The following FBP1 variants were observed in gnomAD, a reference collection of about 807,000 sequenced individuals.
The protein encoded by FBP1 is fructose-1,6-bisphosphatase 1.
In FBP1, 22 loss-of-function variants were observed where a neutral mutation model predicts 29.9. The observed-to-expected ratio is 0.74, with a 90% CI of 0.53 to 1.05. The LOEUF (loss-of-function observed/expected upper bound fraction) is 1.05. Ranked by LOEUF, FBP1 falls within the 50% of genes least tolerant of loss-of-function variation. The probability of loss-of-function intolerance (pLI) is 0.00; values close to 1 mark genes in which losing one functional copy is unlikely to be tolerated. For synonymous variants in FBP1, 175 were observed against 178.6 expected, an observed-to-expected ratio of 0.98 and a Z score of 0.16; for missense variants, 345 against 448.2, an observed-to-expected ratio of 0.77 and a Z score of 2.08.
At position 94,609,987 on chromosome 9, in the gene FBP1, C is replaced by T. The variant is rs756466249; in HGVS notation, c.501G>A (p.Leu167=). The part of the protein sequence containing the change: ...GRNLVAAGYA[L]YGSATMLVLA... ...GGACCAGCATGGTGGCACTGCCATA[C>T]AGTGCGTAGCCGGCTGCCACCAGGT... The change falls in exon 4 of 7, where the codon CTG becomes CTA. Residue 167 remains leucine (L), a synonymous_variant. Transcript: ENST00000375326. The T allele has an allele frequency of 3.7e-6, 6 of 1,614,226 alleles. No individual in the cohort carries two copies. The South Asian group carries it at 4.4e-5, about 12-fold the overall frequency.
intron 1 of FBP1, among the ~76,000 whole-genome samples, chr9:94,630,679 T>C (rs1828092075): frequency 6.6e-6 from 1 of 152,208 alleles, no homozygotes; most frequent in Non-Finnish European, 1.5e-5. Flanking sequence ...GCAAGAAATA[T>C]TACCGTTTCC....
rs1353653214 is a variant in FBP1 at position 94,605,331 on chromosome 9, T to C, written c.825+126A>G. On this transcript the variant is annotated intron_variant, in intron 6 of 6. Coordinates refer to ENST00000375326, the MANE Select transcript of FBP1 (RefSeq NM_000507.4). ...ACCTTTAATCCACAAAAGAATATGC[T>C]ACAGACACACGTAGCAACCTAGCAT... 8.4e-6 allele frequency: 8 copies of C among 956,906 alleles called. No individual in the cohort carries two copies. In the East Asian group the frequency reaches 2.1e-4, roughly 25 times the overall value. The allele number at this position is 956,906 out of a possible 1,614,324, so 59.3% of individuals were successfully genotyped here.
intron 6 of FBP1, chr9:94,603,893 A>G (rs989459647): frequency 4.5e-5 from 17 of 378,488 alleles, no homozygotes; most frequent in Non-Finnish European, 7.6e-5. Context: ...TCTTTATACC[A>G]TGGAAACTGG....
chr9:94,606,850 C>T lies in FBP1; in HGVS notation c.670G>A (p.Val224Ile), dbSNP rs140222720. The T allele has an allele frequency of 5.5e-4, 883 of 1,613,964 alleles. 1 individual carries two copies. The highest frequency in any genetic ancestry group is 7.0e-4 in the Non-Finnish European group (829 of 1,179,872). ...EGYARDFDPA[V>I]TEYIQRKKFP... ...TTCTTCCTCTGGATGTACTCAGTGA[C>T]GGCAGGGTCAAAGTCCCTGGCGTAG... The change falls in exon 5 of 7, where the codon GTC (valine) becomes ATC (isoleucine). Residue 224 changes from valine (V) to isoleucine (I), a missense_variant. Val to Ile is a conservative substitution (Grantham distance 29). Transcript: ENST00000375326.
chr9:94,625,415 G>A (rs1433532084), intron 1 of FBP1, among the ~76,000 whole-genome samples: 4 of 152,126 alleles, frequency 2.6e-5, no homozygotes, highest in Non-Finnish European at 5.9e-5. Flanking sequence ...AGGGCGGCCC[G>A]CATCCACCAA....
intron 2 of FBP1, 90 bp downstream of exon 2, chr9:94,620,239 C>G: frequency 7.1e-7 from 1 of 1,405,574 alleles, no homozygotes; most frequent in Non-Finnish European, 1.0e-6. Flanking sequence ...CTCCCAGAAA[C>G]CCAGCTCAGC....
chr9:94,613,201 G>A (rs1200427810), intron 3 of FBP1, among the ~76,000 whole-genome samples: 1 of 152,130 alleles, frequency 6.6e-6, no homozygotes, highest in African/African-American at 2.4e-5. Context: ...GCAAGTTAGA[G>A]TATGTCCAGT....
At chr9:94,620,876 G>C (rs1054575580) in intron 1 of FBP1, among the ~76,000 whole-genome samples, 1 of 152,090 alleles carries the variant, frequency 6.6e-6, no homozygotes, top group African/African-American at 2.4e-5. Context: ...ACAAACCTAC[G>C]CATTCTGCAT....
intron 1 of FBP1, among the ~76,000 whole-genome samples, chr9:94,635,126 A>G (rs1379045472): frequency 6.7e-6 from 1 of 149,918 alleles, no homozygotes; most frequent in Non-Finnish European, 1.5e-5. Context: ...TAACTAATAG[A>G]TGAGATTTAG....
At chr9:94,629,265 C>A (rs1373698462) in intron 1 of FBP1, among the ~76,000 whole-genome samples, 1 of 152,180 alleles carries the variant, frequency 6.6e-6, no homozygotes, top group African/African-American at 2.4e-5. Flanking sequence ...CAGGCGTGAG[C>A]CACCACACCT....
chr9:94,610,878 T>TTTG (rs918267927), intron 3 of FBP1, among the ~76,000 whole-genome samples: 4 of 149,000 alleles, frequency 2.7e-5, no homozygotes, highest in African/African-American at 1.0e-4. Context: ...TTTTTTTTTT[T>TTTG]TTTGACACGG....
At chr9:94,616,655 A>G (rs1323137429) in intron 3 of FBP1, among the ~76,000 whole-genome samples, 4 of 151,928 alleles carry the variant, frequency 2.6e-5, no homozygotes, top group African/African-American at 9.7e-5. Context: ...GGCAGTCTCA[A>G]TCTCCTGACC....
chr9:94,635,258 G>A (rs1022227887), intron 1 of FBP1, among the ~76,000 whole-genome samples: 7 of 152,172 alleles, frequency 4.6e-5, no homozygotes, highest in Admixed American at 3.3e-4. Context: ...CATCTTCCTC[G>A]GTCTCAGGGT....
chr9:94,636,990 G>C (rs999107473), intron 1 of FBP1, among the ~76,000 whole-genome samples: 1 of 151,814 alleles, frequency 6.6e-6, no homozygotes, highest in Admixed American at 6.6e-5. Flanking sequence ...ACACCCAGTC[G>C]ACAAGCCCTC....
chr9:94,603,642 A>ATGTTTTGCT, intron 6 of FBP1, 70 bp from the exon 7 acceptor site: 1 of 1,380,826 alleles, frequency 7.2e-7, no homozygotes, highest in Non-Finnish European at 1.0e-6. Flanking sequence ...ACTTTTCTGC[A>ATGTTTTGCT]GCAAAACATG....
rs1383666587 is a variant in FBP1, at chr9:94,615,297, G to A, written c.426+2471C>T. Among the ~76,000 whole-genome samples, 4 of 152,162 alleles carry A rather than the reference G, an allele frequency of 2.6e-5. No individual in the cohort carries two copies. The East Asian group carries it at 5.8e-4, about 22-fold the overall frequency. The stretch of plus-strand genomic sequence containing the variant: ...GAGAATTCTGTCATTCATAATTCAA[G>A]CTGCTGTTGCAAGCTGGCTTGATTT... On this transcript the variant is annotated intron_variant, in intron 3 of 6. Transcript: ENST00000375326.
chr9:94,624,381 G>A (rs1488913847), intron 1 of FBP1, among the ~76,000 whole-genome samples: 4 of 148,570 alleles, frequency 2.7e-5, no homozygotes, highest in Non-Finnish European at 5.9e-5. Context: ...GGCCAGGCAC[G>A]GTGGCTCACG....
chr9:94,617,908 A>C (rs746599053), intron 2 of FBP1, 48 bp from the exon 3 acceptor site: 1 of 1,380,946 alleles, frequency 7.2e-7, no homozygotes, highest in Non-Finnish European at 1.0e-6. Context: ...ATAGCAAGAT[A>C]CACTAAAGGA....
intron 1 of FBP1, among the ~76,000 whole-genome samples, chr9:94,634,821 G>A (rs946618021): frequency 2.0e-5 from 3 of 152,084 alleles, no homozygotes; most frequent in African/African-American, 7.2e-5. Context: ...ATTAGGCCGG[G>A]CGCAGTGGCT....
Sources: gnomAD v4.1 joint callset for allele counts (sites outside exome capture counted in the v4.1 genomes callset) on GRCh38, gnomAD v4.1.1 for gene constraint, MANE v1.5 for transcripts, NCBI Gene and HGNC (gene_info 2026-07-23, HGNC 2026-07-21) for gene names.